TRAPPC8: variants seen among roughly 807,000 people sequenced by gnomAD.
The protein encoded by TRAPPC8 is trafficking protein particle complex subunit 8.
A neutral mutation model predicts 174.3 loss-of-function variants in TRAPPC8; 54 were observed. The observed-to-expected ratio is 0.31, with a 90% CI of 0.25 to 0.39. TRAPPC8 has a LOEUF of 0.39. TRAPPC8 is among the 10% of genes least tolerant of loss of function. The pLI, the probability that TRAPPC8 is intolerant of heterozygous loss-of-function variation, is 1.00. For missense variants in TRAPPC8, 1,531 were observed against 1,699.1 expected, an observed-to-expected ratio of 0.90 and a Z score of 1.74; for synonymous variants, 630 against 579.9, an observed-to-expected ratio of 1.09 and a Z score of -1.24.
chr18:31,843,117 A>C (rs2033194262), intron 26 of TRAPPC8, among the ~76,000 whole-genome samples: 2 of 152,204 alleles, frequency 1.3e-5, no homozygotes. Context: ...TGTTTCTAAA[A>C]CACTTTACAC....
intron 24 of TRAPPC8, among the ~76,000 whole-genome samples, chr18:31,851,460 TA>T (rs2033698124): frequency 6.6e-6 from 1 of 152,112 alleles, no homozygotes; most frequent in Non-Finnish European, 1.5e-5. Flanking sequence ...AGATTTCTGA[TA>T]ATTTACATTG....
intron 19 of TRAPPC8, among the ~76,000 whole-genome samples, chr18:31,863,192 T>C (rs1249682114): frequency 1.3e-5 from 2 of 152,156 alleles, no homozygotes; most frequent in East Asian, 3.8e-4. Context: ...TCAATCTGAT[T>C]TGCAAACATT....
chr18:31,873,558 G>C lies in TRAPPC8; in HGVS notation c.1954-20C>G. The C allele has an allele frequency of 6.4e-7, 1 of 1,559,528 alleles. No individual in the cohort carries two copies. The highest frequency in any genetic ancestry group is 8.7e-7 in the Non-Finnish European group (1 of 1,146,896). On this transcript the variant is annotated intron_variant, in intron 13 of 28. Transcript: ENST00000283351. ...TACATTCTGAGAGAAATATAAAAGG[G>C]AAAAAAAGTAGTTTTTGTGAAAATG...
chr18:31,936,978 C>CAAG lies in TRAPPC8; in HGVS notation c.158-5458_158-5456dup, dbSNP rs1385599392. ...CTGTAATCCCAACACTTTGGGAGGC[C>CAAG]AAGGCGGGTGGATCACGAGGTCAGG... is the stretch of plus-strand genomic sequence containing the variant. On this transcript the variant is annotated intron_variant, in intron 1 of 28. Transcript: ENST00000283351. 2.6e-3 allele frequency among the ~76,000 whole-genome samples: 385 copies of CAAG among 147,344 alleles called. 2 individuals carry two copies. Among genetic ancestry groups the CAAG allele is most frequent in the African/African-American group, 8.8e-3 (350 of 39,762 alleles).
intron 1 of TRAPPC8, among the ~76,000 whole-genome samples, chr18:31,933,300 C>CAAAA (rs770309579): frequency 2.2e-5 from 2 of 91,598 alleles, no homozygotes; most frequent in African/African-American, 8.5e-5. Flanking sequence ...GACTCCGTCT[C>CAAAA]AAAAAAAAAA....
intron 1 of TRAPPC8, among the ~76,000 whole-genome samples, chr18:31,934,841 T>C (rs1317378552): frequency 1.3e-5 from 2 of 151,180 alleles, no homozygotes; most frequent in African/African-American, 2.4e-5. Context: ...TACTCCAGCC[T>C]GGGCAATGAG....
At position 31,853,871 on chromosome 18, in the gene TRAPPC8, A is replaced by C. The variant is rs745952636; in HGVS notation, c.3411T>G (p.Ser1137=). 14 of 1,609,876 alleles carry C rather than the reference A, an allele frequency of 8.7e-6. No individual in the cohort carries two copies. Among genetic ancestry groups the C allele is most frequent in the Non-Finnish European group, 1.2e-5 (14 of 1,179,132 alleles). Residue 1137 remains serine, a synonymous_variant, in exon 22 of 29, where the codon TCT becomes TCG. Transcript: ENST00000283351. ...AACCTTTGTTTTCAGAAAGATTTAC[A>C]GATTTCTGTAACTTCCAGTGTTTGC... ...SSSKHWKLQK[S]VNLSENKDTK...
chr18:31,898,949 G>T lies in TRAPPC8; in HGVS notation c.1491-1058C>A, dbSNP rs147970685. On this transcript the variant is annotated intron_variant, in intron 10 of 28. Transcript: ENST00000283351. The stretch of plus-strand genomic sequence containing the variant: ...AAGCTTGCTAACTTGAATTTACTTT[G>T]GAAACCCATTCTAAACGATGAACAG... Among the ~76,000 whole-genome samples the T allele has an allele frequency of 2.8e-3, 423 of 152,132 alleles. 2 individuals are homozygous for T. The highest frequency in any genetic ancestry group is 8.8e-3 in the African/African-American group (366 of 41,498).
Position 31,876,958 on chromosome 18 carries a change from C to T in TRAPPC8, c.1729-2254G>A, listed in dbSNP as rs76902001. ...GAAATCTCTGCTCTTGAGTCACCAC[C>T]GCACCACCAGATCCCTAACATATTC... On this transcript the variant is annotated intron_variant, in intron 12 of 28. Transcript: ENST00000283351. 3.9e-5 allele frequency among the ~76,000 whole-genome samples: 6 copies of T among 152,284 alleles called. No individual in the cohort carries two copies. In the East Asian group the frequency reaches 7.7e-4, roughly 20 times the overall value.
intron 28 of TRAPPC8, among the ~76,000 whole-genome samples, chr18:31,831,862 T>G (rs2032391690): frequency 6.6e-6 from 1 of 152,096 alleles, no homozygotes; most frequent in African/African-American, 2.4e-5. Context: ...GGACTGTGGA[T>G]CTGGATTTTT....
intron 1 of TRAPPC8, among the ~76,000 whole-genome samples, chr18:31,934,104 C>G (rs927524639): frequency 6.6e-6 from 1 of 151,932 alleles, no homozygotes; most frequent in African/African-American, 2.4e-5. Context: ...AAGAGAATCA[C>G]TTGAAACCAG....
chr18:31,843,374 A>AT (rs2033212259), intron 26 of TRAPPC8, among the ~76,000 whole-genome samples: 1 of 152,202 alleles, frequency 6.6e-6, no homozygotes, highest in Admixed American at 6.5e-5. Flanking sequence ...GCACACATAT[A>AT]AGTTCTGGAA....
At chr18:31,842,289 T>TA (rs2033147582) in intron 26 of TRAPPC8, among the ~76,000 whole-genome samples, 1 of 152,228 alleles carries the variant, frequency 6.6e-6, no homozygotes, top group Non-Finnish European at 1.5e-5. Context: ...ACAACACAGT[T>TA]AATGTGGATG....
Position 31,913,436 on chromosome 18 carries a change from C to G in TRAPPC8, c.704G>C (p.Arg235Pro). 5 of 1,610,612 alleles carry G rather than the reference C, an allele frequency of 3.1e-6. No homozygotes were observed. The highest frequency in any genetic ancestry group is 4.2e-6 in the Non-Finnish European group (5 of 1,178,856). ...ATCTGGTATCTGTTCATCTGATGCT[C>G]GATTAGATGTTCGAGAATTAATTTT... ...LLKINSRTSN[R>P]ASDEQIPDPW... The change falls in exon 5 of 29, where the codon CGA becomes CCA. Residue 235 changes from arginine (R) to proline (P), a missense_variant. Coordinates refer to ENST00000283351, the MANE Select transcript of TRAPPC8 (RefSeq NM_014939.5).
chr18:31,854,965 CAAAAAAAA>C (rs71175798), intron 21 of TRAPPC8, among the ~76,000 whole-genome samples: 10 of 45,648 alleles, frequency 2.2e-4, no homozygotes, highest in Non-Finnish European at 3.5e-4. Context: ...GACTCCATCT[CAAAAAAAA>C]AAAAAAAAAA....
rs2037833711 is a variant in TRAPPC8 at position 31,931,276 on chromosome 18, TTCTAACAAAACGA to T, written c.352+40_352+52del. 10 of 1,470,196 alleles carry T rather than the reference TTCTAACAAAACGA, an allele frequency of 6.8e-6. No homozygotes were observed. In the South Asian group the frequency reaches 1.5e-4, roughly 23 times the overall value. 91.1% of individuals were successfully genotyped at this position (1,470,196 alleles called of 1,614,324 possible). A position where few individuals can be genotyped will look rare whatever the true frequency, so the allele number is the denominator to read the frequency against. On this transcript the variant is annotated intron_variant, in intron 2 of 28. Coordinates refer to ENST00000283351, the MANE Select transcript of TRAPPC8 (RefSeq NM_014939.5). ...ATCTCCCAAGTCATAGAATCGCTTT[TTCTAACAAAACGA>T]AATTTCACTCAAAAAATAACAATAA...
chr18:31,918,973 TG>T (rs2037262100), intron 2 of TRAPPC8, among the ~76,000 whole-genome samples: 2 of 152,200 alleles, frequency 1.3e-5, no homozygotes, highest in South Asian at 4.1e-4. Flanking sequence ...TCTTAACCAC[TG>T]AAAACAGCAA....
intron 1 of TRAPPC8, among the ~76,000 whole-genome samples, chr18:31,934,008 T>C (rs890392743): frequency 1.3e-5 from 2 of 151,858 alleles, no homozygotes; most frequent in African/African-American, 4.8e-5. Context: ...GCCAACAAGG[T>C]GAAACCCCCA....
intron 10 of TRAPPC8, among the ~76,000 whole-genome samples, chr18:31,899,442 C>A (rs1414269889): frequency 6.6e-6 from 1 of 152,110 alleles, no homozygotes; most frequent in Non-Finnish European, 1.5e-5. Context: ...AACCATGTTA[C>A]CATTACGATG....
Sources: gnomAD v4.1 joint callset for allele counts (sites outside exome capture counted in the v4.1 genomes callset) on GRCh38, gnomAD v4.1.1 for gene constraint, MANE v1.5 for transcripts, NCBI Gene and HGNC (gene_info 2026-07-23, HGNC 2026-07-21) for gene names.